TMEM132D: variants seen among roughly 807,000 people sequenced by gnomAD.
TMEM132D encodes the protein mature OL transmembrane protein.
A neutral mutation model predicts 62.3 loss-of-function variants in TMEM132D; 21 were observed. The ratio of observed to expected loss-of-function variants is 0.34; its 90% CI spans 0.24 to 0.49. The LOEUF is 0.49. Among genes scored for constraint, TMEM132D ranks in the 20% least tolerant of loss-of-function variants. The pLI, the probability that TMEM132D is intolerant of heterozygous loss-of-function variation, is 0.99. For synonymous variants in TMEM132D, 621 were observed against 575.6 expected (o/e 1.08, Z -1.13); for missense variants, 1,346 against 1,402.8 (o/e 0.96, Z 0.65).
chr12:129,903,231 C>A lies in TMEM132D; in HGVS notation c.79+30G>T. 1 of 1,551,126 alleles carries A rather than the reference C, an allele frequency of 6.4e-7. No individual in the cohort carries two copies. Among genetic ancestry groups the A allele is most frequent in the Non-Finnish European group, 8.7e-7 (1 of 1,146,730 alleles). ...ACACTCACTCCAGGCGAAGTTAGTC[C>A]CCGGGCCCTGGCGGCCGCGGCGTCC... is the stretch of plus-strand genomic sequence containing the variant. On this transcript the variant is annotated intron_variant, in intron 1 of 8. Transcript: ENST00000422113. This position sits in a 1 kb window ranked among gnomAD's most constrained non-coding sequence, Gnocchi z 6.2.
chr12:129,755,653 G>C (rs1870145537), intron 1 of TMEM132D, among the ~76,000 whole-genome samples: 1 of 152,188 alleles, frequency 6.6e-6, no homozygotes, highest in Non-Finnish European at 1.5e-5. Context: ...AAAGTAGACT[G>C]TTTCTCTAGC....
intron 5 of TMEM132D, among the ~76,000 whole-genome samples, chr12:129,202,094 G>A (rs902773472): frequency 6.6e-6 from 1 of 152,222 alleles, no homozygotes; most frequent in Non-Finnish European, 1.5e-5. Flanking sequence ...CAACGGGAAT[G>A]AGTTTTCAGT....
intron 4 of TMEM132D, among the ~76,000 whole-genome samples, chr12:129,312,916 G>A (rs2135636736): frequency 6.6e-6 from 1 of 152,338 alleles, no homozygotes; most frequent in East Asian, 1.9e-4. Flanking sequence ...GAGGTATATT[G>A]TAAAGGTGGA....
chr12:129,463,470 GTAT>G (rs71082722), intron 3 of TMEM132D, among the ~76,000 whole-genome samples: 35,639 of 117,430 alleles, frequency 0.3, 4,658 homozygotes, highest in Middle Eastern at 0.39. Context: ...ATTTATTTAT[GTAT>G]TATTATTATT....
At chr12:129,780,187 C>T (rs1245568111) in intron 1 of TMEM132D, among the ~76,000 whole-genome samples, 3 of 151,734 alleles carry the variant, frequency 2.0e-5, no homozygotes, top group African/African-American at 4.8e-5. Context: ...TGAGGTTTCT[C>T]ACTTGAAAGA....
intron 1 of TMEM132D, among the ~76,000 whole-genome samples, chr12:129,743,911 C>A (rs1186805104): frequency 6.6e-6 from 1 of 152,174 alleles, no homozygotes; most frequent in African/African-American, 2.4e-5. Flanking sequence ...CACAGCTCTG[C>A]CTATACTTCC....
At chr12:129,239,035 T>C (rs993938338) in intron 4 of TMEM132D, among the ~76,000 whole-genome samples, 1 of 146,776 alleles carries the variant, frequency 6.8e-6, no homozygotes, top group Non-Finnish European at 1.5e-5. Flanking sequence ...TCCCAGTGGG[T>C]TTGAAGTAAT....
intron 3 of TMEM132D, among the ~76,000 whole-genome samples, chr12:129,424,287 C>T (rs569543397): frequency 1.3e-5 from 2 of 152,034 alleles, no homozygotes; most frequent in South Asian, 4.2e-4. Context: ...GTATTAGTTT[C>T]TCCTTAGTTC....
At chr12:129,777,515 C>T (rs1397710819) in intron 1 of TMEM132D, among the ~76,000 whole-genome samples, 3 of 152,160 alleles carry the variant, frequency 2.0e-5, no homozygotes, top group African/African-American at 4.8e-5. Context: ...CTCCTAGCGT[C>T]CAAGCAGCAA....
intron 2 of TMEM132D, among the ~76,000 whole-genome samples, chr12:129,564,873 A>G (rs1308135691): frequency 6.6e-6 from 1 of 152,202 alleles, no homozygotes; most frequent in Non-Finnish European, 1.5e-5. Context: ...GCGAAACCCA[A>G]CTGTGCTAGG....
chr12:129,429,748 C>A (rs1452166076), intron 3 of TMEM132D, among the ~76,000 whole-genome samples: 1 of 128,728 alleles, frequency 7.8e-6, no homozygotes, highest in Non-Finnish European at 1.6e-5. Context: ...CCCGACCCCA[C>A]AACAGGCCCC....
At chr12:129,719,083 G>GAAAAAAAA (rs59987335) in intron 1 of TMEM132D, among the ~76,000 whole-genome samples, 1 of 99,168 alleles carries the variant, frequency 1.0e-5, no homozygotes, top group Non-Finnish European at 2.3e-5. Flanking sequence ...CAAAAAAAAT[G>GAAAAAAAA]AAAAAAAAAA....
chr12:129,580,640 G>T lies in TMEM132D; in HGVS notation c.969-49435C>A, dbSNP rs1333231217. 2.6e-5 allele frequency among the ~76,000 whole-genome samples: 4 copies of T among 152,074 alleles called. No homozygotes were observed. The East Asian group carries it at 5.8e-4, about 22-fold the overall frequency. On this transcript the variant is annotated intron_variant, in intron 2 of 8. Coordinates refer to ENST00000422113, the MANE Select transcript of TMEM132D (RefSeq NM_133448.3). ...AATCGCTTAAACCCGGGAGGCAAAG[G>T]TTGCAGTAAGCCGAGATCGCGCCAC...
intron 2 of TMEM132D, among the ~76,000 whole-genome samples, chr12:129,553,249 G>T (rs1031498324): frequency 6.6e-6 from 1 of 152,122 alleles, no homozygotes; most frequent in Non-Finnish European, 1.5e-5. Context: ...TGCCACAGTG[G>T]CCCGTGGTCC....
chr12:129,210,589 C>T (rs536298423), intron 4 of TMEM132D, among the ~76,000 whole-genome samples: 4 of 152,304 alleles, frequency 2.6e-5, no homozygotes, highest in Admixed American at 1.3e-4. Context: ...CTGAACCTTT[C>T]CCCTTGGTAG....
intron 1 of TMEM132D, among the ~76,000 whole-genome samples, chr12:129,707,153 AT>A (rs1164783084): frequency 7.2e-6 from 1 of 139,092 alleles, no homozygotes; most frequent in Admixed American, 7.0e-5. Context: ...ATTAGGAAAA[AT>A]ATATATATAT....
intron 4 of TMEM132D, among the ~76,000 whole-genome samples, chr12:129,251,848 G>T (rs4436610): frequency 0.7 from 106,285 of 151,940 alleles, 37,524 homozygotes; most frequent in Middle Eastern, 0.77. Flanking sequence ...TAGTTGGACC[G>T]TGGATGCAGT....
intron 1 of TMEM132D, among the ~76,000 whole-genome samples, chr12:129,705,954 G>A (rs1423548146): frequency 6.6e-6 from 1 of 151,992 alleles, no homozygotes; most frequent in Non-Finnish European, 1.5e-5. Context: ...TTTAGTCAAT[G>A]ACAACCAAAT....
At chr12:129,837,901 A>G (rs1382006560) in intron 1 of TMEM132D, among the ~76,000 whole-genome samples, 1 of 152,216 alleles carries the variant, frequency 6.6e-6, no homozygotes, top group Non-Finnish European at 1.5e-5. Flanking sequence ...AAAACCCTGG[A>G]ACGGCTAAGT....
Sources: allele counts gnomAD v4.1 joint callset (sites outside exome capture counted in the v4.1 genomes callset), GRCh38; gene constraint gnomAD v4.1.1; non-coding constraint Gnocchi (gnomAD v3.1); transcripts MANE v1.5; gene names NCBI Gene and HGNC (gene_info 2026-07-23, HGNC 2026-07-21).